The following TAOK1 variants were observed in gnomAD, a reference collection of about 807,000 sequenced individuals.
TAOK1 encodes serine/threonine-protein kinase TAO1.
In TAOK1, 21 loss-of-function variants were observed where a neutral mutation model predicts 138.3. The observed-to-expected ratio is 0.15, with a 90% CI of 0.11 to 0.22. TAOK1 has a LOEUF of 0.22. Among genes scored for constraint, TAOK1 ranks in the 10% least tolerant of loss-of-function variants. The pLI is 1.00. For missense variants in TAOK1, 651 were observed against 1,227.7 expected, an observed-to-expected ratio of 0.53 and a Z score of 7.02; for synonymous variants, 361 against 398.4, an observed-to-expected ratio of 0.91 and a Z score of 1.12.
At chr17:29,502,100 G>A (rs78376942) in intron 12 of TAOK1, among the ~76,000 whole-genome samples, 5,623 of 152,206 alleles carry the variant, frequency 0.037, 364 homozygotes, top group African/African-American at 0.13. Flanking sequence ...CTGAGTCTGT[G>A]TACTATTTTA....
intron 15 of TAOK1, chr17:29,513,770 T>G (rs1397424913): frequency 6.6e-6 from 1 of 151,980 alleles, no homozygotes; most frequent in African/African-American, 2.4e-5. Context: ...GGTGAAACAC[T>G]GTCTCTACTA....
intron 8 of TAOK1, among the ~76,000 whole-genome samples, chr17:29,486,960 T>C (rs1201098754): frequency 5.3e-5 from 8 of 151,960 alleles, no homozygotes; most frequent in Non-Finnish European, 8.8e-5. Flanking sequence ...TAGAAAAATA[T>C]ATTAAGGGCC....
chr17:29,495,131 G>A (rs2031388144), intron 10 of TAOK1, among the ~76,000 whole-genome samples: 1 of 152,112 alleles, frequency 6.6e-6, no homozygotes, highest in Admixed American at 6.5e-5. Flanking sequence ...GCATATAAAG[G>A]AACCCAATAT....
intron 1 of TAOK1, among the ~76,000 whole-genome samples, chr17:29,441,275 G>A (rs888950126): frequency 2.0e-5 from 3 of 152,070 alleles, no homozygotes; most frequent in African/African-American, 7.2e-5. Context: ...TTTGGAGACC[G>A]AGACTACAGG....
At chr17:29,426,297 A>ACAC (rs1905638304) in intron 1 of TAOK1, among the ~76,000 whole-genome samples, 1 of 152,208 alleles carries the variant, frequency 6.6e-6, no homozygotes, top group Non-Finnish European at 1.5e-5. Context: ...CAGAGAGCGT[A>ACAC]TTGTTCCAGG....
At chr17:29,458,525 T>G (rs886684194) in intron 2 of TAOK1, among the ~76,000 whole-genome samples, 4 of 152,220 alleles carry the variant, frequency 2.6e-5, no homozygotes, top group Non-Finnish European at 5.9e-5. Context: ...TGAGACGAAG[T>G]CTCGCTCTCT....
chr17:29,501,235 A>G (rs2031519518), intron 12 of TAOK1, among the ~76,000 whole-genome samples: 1 of 150,652 alleles, frequency 6.6e-6, no homozygotes, highest in African/African-American at 2.4e-5. Context: ...AAAAAAAAAA[A>G]AAAAAAAGAA....
At position 29,429,928 on chromosome 17, in the gene TAOK1, A is replaced by G. The variant is rs1380377381; in HGVS notation, c.-94-21527A>G. 2.6e-5 allele frequency among the ~76,000 whole-genome samples: 4 copies of G among 152,164 alleles called. No individual in the cohort carries two copies. In the East Asian group the frequency reaches 7.7e-4, roughly 29 times the overall value. ...AAGACTATAAGATCTAATCAATACA[A>G]CTGATCTTGTTGACAGTAAAATTTA... is the stretch of plus-strand genomic sequence containing the variant. On this transcript the variant is annotated intron_variant, in intron 1 of 19. Transcript: ENST00000261716.
chr17:29,491,806 G>A lies in TAOK1; in HGVS notation c.772G>A (p.Val258Ile). ...NEWSDYFRNFVDSCLQKIPQD... is the reference protein window; with the variant it reads ...NEWSDYFRNFIDSCLQKIPQD... ...TAGGTCTGATTATTTTCGCAACTTT[G>A]TAGATTCTTGCCTCCAGAAAATCCC... The change falls in exon 10 of 20, where the codon GTA becomes ATA. Residue 258 changes from valine to isoleucine, a missense_variant. This residue lies in a region of TAOK1 where 39 missense variants were observed against 52.5 expected (regional missense o/e 0.74). Transcript: ENST00000261716. 1 of 1,613,686 alleles carries A rather than the reference G, an allele frequency of 6.2e-7. No individual in the cohort carries two copies. Among genetic ancestry groups the A allele is most frequent in the Non-Finnish European group, 8.5e-7 (1 of 1,179,798 alleles).
At chr17:29,530,260 A>G (rs2032079781) in intron 17 of TAOK1, 147 bp from the exon 18 acceptor site, 6 of 687,714 alleles carry the variant, frequency 8.7e-6, no homozygotes, top group Non-Finnish European at 1.5e-5. Flanking sequence ...AGCCAAGTGC[A>G]AAAAGTACCT....
At chr17:29,465,128 ATTTTTTTTTT>A (rs57794003) in intron 2 of TAOK1, among the ~76,000 whole-genome samples, 8 of 63,102 alleles carry the variant, frequency 1.3e-4, no homozygotes, top group Admixed American at 4.3e-4. Flanking sequence ...GTCTTATTTA[ATTTTTTTTTT>A]TTTTTTTTTT....
At chr17:29,523,290 A>C (rs1278728472) in intron 17 of TAOK1, among the ~76,000 whole-genome samples, 1 of 152,034 alleles carries the variant, frequency 6.6e-6, no homozygotes, top group Non-Finnish European at 1.5e-5. Flanking sequence ...GAAAAAAAAA[A>C]AACAAGAAAA....
chr17:29,464,822 CTTTTTTTT>C (rs547368498), intron 2 of TAOK1, among the ~76,000 whole-genome samples: 3 of 132,092 alleles, frequency 2.3e-5, no homozygotes, highest in African/African-American at 8.4e-5. Context: ...TAAGCTCTGT[CTTTTTTTT>C]TTTTTTTTTT....
At chr17:29,464,923 C>A (rs979674310) in intron 2 of TAOK1, among the ~76,000 whole-genome samples, 1 of 149,774 alleles carries the variant, frequency 6.7e-6, no homozygotes, top group African/African-American at 2.5e-5. Context: ...TGGGTTCAAG[C>A]GATTCTTGTG....
chr17:29,551,080 A>G lies in TAOK1; in HGVS notation c.*8058A>G, dbSNP rs2032485448. On this transcript the variant is annotated 3_prime_UTR_variant, in exon 20 of 20. Coordinates refer to ENST00000261716, the MANE Select transcript of TAOK1 (RefSeq NM_020791.4). ...TGAGCGATGAATGCACACCTGTAGT[A>G]GCCCAGGACCAGCTGTGGTGGCTAA... 1 of 152,234 alleles carries G rather than the reference A, an allele frequency of 6.6e-6. No homozygotes were observed. Among genetic ancestry groups the G allele is most frequent in the Admixed American group, 6.5e-5 (1 of 15,278 alleles). 9.4% of individuals were successfully genotyped at this position (152,234 alleles called of 1,614,324 possible). A position where few individuals can be genotyped will look rare whatever the true frequency, so the allele number is the denominator to read the frequency against.
intron 2 of TAOK1, among the ~76,000 whole-genome samples, chr17:29,464,984 C>T (rs774654621): frequency 6.6e-6 from 1 of 151,642 alleles, no homozygotes; most frequent in African/African-American, 2.4e-5. Context: ...CTATGCCTGG[C>T]TAATTTTTAT....
chr17:29,528,615 G>A (rs979459166), intron 17 of TAOK1, among the ~76,000 whole-genome samples: 3 of 151,966 alleles, frequency 2.0e-5, no homozygotes, highest in Non-Finnish European at 2.9e-5. Flanking sequence ...CAAGGTGGGC[G>A]GTTTGCCTGA....
intron 15 of TAOK1, among the ~76,000 whole-genome samples, chr17:29,516,990 T>C (rs904666284): frequency 7.4e-6 from 1 of 135,508 alleles, no homozygotes; most frequent in African/African-American, 3.1e-5. Flanking sequence ...ACCCAGCTAA[T>C]TTTTTTTTTT....
At chr17:29,537,566 A>G (rs866016811) in intron 19 of TAOK1, among the ~76,000 whole-genome samples, 1 of 146,868 alleles carries the variant, frequency 6.8e-6, no homozygotes, top group African/African-American at 2.5e-5. Flanking sequence ...CATGTTGCCC[A>G]GGCTGGTCTC....
Sources: allele counts gnomAD v4.1 joint callset (sites outside exome capture counted in the v4.1 genomes callset), GRCh38; gene constraint gnomAD v4.1.1; regional missense constraint gnomAD v4.1.1; transcripts MANE v1.5; gene names NCBI Gene and HGNC (gene_info 2026-07-23, HGNC 2026-07-21).